RIPOR3: variants seen among roughly 807,000 people sequenced by gnomAD.
The protein encoded by RIPOR3 is family with sequence similarity 65 member C.
RIPOR3 carries 95 observed loss-of-function variants against 114.3 expected under a neutral mutation model. The ratio of observed to expected loss-of-function variants is 0.83; its 90% CI spans 0.70 to 0.99. The LOEUF is 0.99. RIPOR3 is among the 50% of genes least tolerant of loss of function. RIPOR3 has a pLI of 0.00. For missense variants in RIPOR3, 1,252 were observed against 1,266.9 expected, an observed-to-expected ratio of 0.99 and a Z score of 0.18; for synonymous variants, 575 against 543.8, an observed-to-expected ratio of 1.06 and a Z score of -0.80.
At position 50,608,657 on chromosome 20, in the gene RIPOR3, C is replaced by T; in HGVS notation, c.766G>A (p.Glu256Lys). The stretch of plus-strand genomic sequence containing the variant: ...TGCAGCGTGGGGATGAAGGCCTTCT[C>T]CTCTTCGTCCCAGGTCTGGCTGTCA... ...SDDSQTWDEE[E>K]KAFIPTLHEN... Residue 256 changes from glutamate (E) to lysine (K), a missense_variant, in exon 10 of 22, where the codon GAG (glutamate) becomes AAG (lysine). Transcript: ENST00000327979. 1 of 1,614,072 alleles carries T rather than the reference C, an allele frequency of 6.2e-7. No individual in the cohort carries two copies. The highest frequency in any genetic ancestry group is 8.5e-7 in the Non-Finnish European group (1 of 1,179,916).
chr20:50,644,756 A>C (rs531170051), intron 1 of RIPOR3, among the ~76,000 whole-genome samples: 1 of 140,908 alleles, frequency 7.1e-6, no homozygotes, highest in Admixed American at 8.0e-5. Context: ...TCCTGGGCTC[A>C]AGCGATCCTC....
In RIPOR3 at chr20:50,608,695, C is replaced by A; in HGVS notation, c.728G>T (p.Arg243Leu). The part of the protein sequence containing the change: ...LGRQRWKLKG[R>L]IESDDSQTWD... ...GGTCTGGCTGTCATCTGACTCGATCCGACCCTTGAGCTTCCAACGCTGGCG... is the reference window on the plus strand; with the variant it reads ...GGTCTGGCTGTCATCTGACTCGATCAGACCCTTGAGCTTCCAACGCTGGCG... Residue 243 changes from arginine to leucine, a missense_variant, in exon 10 of 22, where the codon CGG becomes CTG. Arg to Leu is a moderately radical substitution (Grantham distance 102). Coordinates refer to ENST00000327979, the MANE Select transcript of RIPOR3 (RefSeq NM_001290268.2). 6.2e-7 allele frequency: 1 copy of A among 1,614,056 alleles called. No homozygotes were observed. Among genetic ancestry groups the A allele is most frequent in the Admixed American group, 1.7e-5 (1 of 60,018 alleles).
chr20:50,593,013 C>T, intron 18 of RIPOR3, 22 bp downstream of exon 18: 1 of 1,612,592 alleles, frequency 6.2e-7, no homozygotes, highest in Non-Finnish European at 8.5e-7. Context: ...TCTGCTATGA[C>T]AGCCACCCAC....
At chr20:50,595,118 G>T in intron 16 of RIPOR3, 1 of 548,984 alleles carries the variant, frequency 1.8e-6, no homozygotes, top group Non-Finnish European at 3.3e-6. Context: ...AGATAGGGAA[G>T]CAGAGGCTCA....
Position 50,594,687 on chromosome 20 carries a change from C to G in RIPOR3, c.2078G>C (p.Gly693Ala), listed in dbSNP as rs2122893684. ...GCACCCTCTCCACAGCTTCAGGCAC[C>G]CCTTCGTCCGCGAGGCCTGTGGGAT... ...EIIPQASRTK[G>A]CLKLWRGCTG... Residue 693 changes from glycine (G) to alanine (A), a missense_variant, in exon 17 of 22, where the codon GGG becomes GCG. Transcript: ENST00000327979. The G allele has an allele frequency of 6.2e-7, 1 of 1,612,486 alleles. No individual in the cohort carries two copies. The highest frequency in any genetic ancestry group is 2.2e-5 in the East Asian group (1 of 44,846).
In RIPOR3 at chr20:50,609,627, G is replaced by A. The variant is rs887416890; in HGVS notation, c.522C>T (p.Arg174=). Residue 174 remains arginine (R), a synonymous_variant, in exon 7 of 22, where the codon CGC becomes CGT. Coordinates refer to ENST00000327979, the MANE Select transcript of RIPOR3 (RefSeq NM_001290268.2). The stretch of plus-strand genomic sequence containing the variant: ...GCTCCTGCAGGCTCTCTCGGGCTGC[G>A]CGGCTCGGGGGGCACCGGGCGAAGG... ...QRAFARCPPS[R]AARESLQELG... is the part of the protein sequence containing the mutation. 1.1e-5 allele frequency: 16 copies of A among 1,406,328 alleles called. No homozygotes were observed. In the East Asian group the frequency reaches 1.7e-4, roughly 15 times the overall value. 87.1% of individuals were successfully genotyped at this position (1,406,328 alleles called of 1,614,324 possible).
intron 1 of RIPOR3, among the ~76,000 whole-genome samples, chr20:50,668,951 C>T (rs1021563068): frequency 2.6e-5 from 4 of 152,098 alleles, no homozygotes; most frequent in East Asian, 1.9e-4. Context: ...CATTCACATG[C>T]ACACATGCCC....
Position 50,602,102 on chromosome 20 carries a change from G to A in RIPOR3, c.1629C>T (p.Tyr543=). The A allele has an allele frequency of 1.3e-6, 2 of 1,597,178 alleles. No individual in the cohort carries two copies. Among genetic ancestry groups the A allele is most frequent in the South Asian group, 2.2e-5 (2 of 89,612 alleles). Residue 543 remains tyrosine, a synonymous_variant, in exon 13 of 22, where the codon TAC becomes TAT. Coordinates refer to ENST00000327979, the MANE Select transcript of RIPOR3 (RefSeq NM_001290268.2). The surrounding 1 kb of genome is among the most constrained non-coding windows in gnomAD (Gnocchi z 4.3). Reference sequence around the variant, plus strand: ...GCCGGTCCCGGAAGCCGAGGACCTGGTACTCCAGCTCCCGGAGCTGGGGCT... The same window carrying A: ...GCCGGTCCCGGAAGCCGAGGACCTGATACTCCAGCTCCCGGAGCTGGGGCT... ...STQPQLRELE[Y]QVLGFRDRLK... is the part of the protein sequence containing the mutation.
chr20:50,666,183 A>C (rs6020669), intron 1 of RIPOR3, among the ~76,000 whole-genome samples: 60 of 43,740 alleles, frequency 1.4e-3, no homozygotes, highest in South Asian at 2.8e-3. Flanking sequence ...AAGGACACCC[A>C]TTTCTTTTCT....
At position 50,625,070 on chromosome 20, in the gene RIPOR3, G is replaced by GTTT. The variant is rs11482142; in HGVS notation, c.123-4941_123-4939dup. Among the ~76,000 whole-genome samples, 349 of 136,818 alleles carry GTTT rather than the reference G, an allele frequency of 2.6e-3. 3 individuals carry two copies. Among genetic ancestry groups the GTTT allele is most frequent in the African/African-American group, 9.5e-3 (314 of 33,182 alleles). 89.8% of individuals were successfully genotyped at this position (136,818 alleles called of 152,430 possible). On this transcript the variant is annotated intron_variant, in intron 2 of 21. Transcript: ENST00000327979. ...CTCAAATTCTGCTCTCAGTGCTTTT[G>GTTT]TTTTTTTTTTTTTTAATTGAGACAA...
rs780379658 is a variant in RIPOR3 at position 50,602,049 on chromosome 20, C to A, written c.1659+23G>T. ...CATGCCATCAGCAAAGCAGGGCCAC[C>A]GCCCGGGGCGGGGTGGCCATACCTT... On this transcript the variant is annotated intron_variant, in intron 13 of 21. Transcript: ENST00000327979. The surrounding 1 kb of genome is among the most constrained non-coding windows in gnomAD (Gnocchi z 4.3). 6 of 1,466,502 alleles carry A rather than the reference C, an allele frequency of 4.1e-6. No homozygotes were observed. Among genetic ancestry groups the A allele is most frequent in the Non-Finnish European group, 5.4e-6 (6 of 1,110,978 alleles). 90.8% of individuals were successfully genotyped at this position (1,466,502 alleles called of 1,614,324 possible). A position where few individuals can be genotyped will look rare whatever the true frequency, so the allele number is the denominator to read the frequency against.
At chr20:50,587,949 A>C (rs1001761549) in intron 20 of RIPOR3, 57 bp from the exon 21 acceptor site, 6 of 1,534,268 alleles carry the variant, frequency 3.9e-6, no homozygotes, top group Admixed American at 1.7e-5. Flanking sequence ...CAGCAGGTAG[A>C]GTCCACTTAG....
rs775770067 is a variant in RIPOR3, at chr20:50,620,052, G to A, written c.203C>T (p.Ser68Leu). 12 of 1,614,036 alleles carry A rather than the reference G, an allele frequency of 7.4e-6. No homozygotes were observed. Among genetic ancestry groups the A allele is most frequent in the East Asian group, 2.2e-5 (1 of 44,898 alleles). The change falls in exon 3 of 22, where the codon TCG becomes TTG. Residue 68 changes from serine to leucine, a missense_variant. Physicochemically the swap from Ser to Leu is moderately radical, Grantham distance 145. Coordinates refer to ENST00000327979, the MANE Select transcript of RIPOR3 (RefSeq NM_001290268.2). ...SKMYGTLRKG[S>L]VCADPKPQQV... ...CTGGGGCTTCGGGTCTGCACAGACC[G>A]ACCCCTTCCGCAGCGTGCCGTACAT...
intron 4 of RIPOR3, among the ~76,000 whole-genome samples, chr20:50,614,462 G>A (rs1025734371): frequency 1.3e-5 from 2 of 152,184 alleles, no homozygotes; most frequent in Non-Finnish European, 2.9e-5. Context: ...CTGGCTGGGA[G>A]GAGAATCCCA....
At chr20:50,668,765 G>A (rs764872802) in intron 1 of RIPOR3, among the ~76,000 whole-genome samples, 6 of 151,950 alleles carry the variant, frequency 3.9e-5, no homozygotes, top group African/African-American at 7.3e-5. Flanking sequence ...GCTGAGGCGC[G>A]AGAATCACTT....
intron 13 of RIPOR3, among the ~76,000 whole-genome samples, chr20:50,598,869 C>T (rs1428805951): frequency 4.0e-5 from 6 of 148,350 alleles, no homozygotes; most frequent in Non-Finnish European, 7.4e-5. Context: ...TGCACCACTG[C>T]GCTCCAGCCT....
At chr20:50,661,661 C>T (rs2086000544) in intron 1 of RIPOR3, among the ~76,000 whole-genome samples, 1 of 152,156 alleles carries the variant, frequency 6.6e-6, no homozygotes, top group African/African-American at 2.4e-5. Context: ...CCCTTCTCAG[C>T]CTCGGAACTG....
intron 1 of RIPOR3, among the ~76,000 whole-genome samples, chr20:50,668,441 T>G (rs1012299733): frequency 6.6e-6 from 1 of 152,134 alleles, no homozygotes; most frequent in Non-Finnish European, 1.5e-5. Context: ...CAAAGCTGCT[T>G]CCTGCAGAGG....
rs891176294 is a variant in RIPOR3, at chr20:50,623,285, A to G, written c.123-3153T>C. ...TAAAAAAAAAAAAAAAAAAAGAAAAAAAAGAAAATATTAGGAGTTTGGTAA... is the reference window on the plus strand; with the variant it reads ...TAAAAAAAAAAAAAAAAAAAGAAAAGAAAGAAAATATTAGGAGTTTGGTAA... On this transcript the variant is annotated intron_variant, in intron 2 of 21. Coordinates refer to ENST00000327979, the MANE Select transcript of RIPOR3 (RefSeq NM_001290268.2). 1.1e-4 allele frequency among the ~76,000 whole-genome samples: 16 copies of G among 151,938 alleles called. No individual in the cohort carries two copies. The East Asian group carries it at 2.9e-3, about 28-fold the overall frequency.
Sources: allele counts gnomAD v4.1 joint callset (sites outside exome capture counted in the v4.1 genomes callset), GRCh38; gene constraint gnomAD v4.1.1; non-coding constraint Gnocchi (gnomAD v3.1); transcripts MANE v1.5; gene names NCBI Gene and HGNC (gene_info 2026-07-23, HGNC 2026-07-21).